NTN1: variants seen among roughly 807,000 people sequenced by gnomAD.
NTN1 encodes the protein netrin-1.
In NTN1, 11 loss-of-function variants were observed where a neutral mutation model predicts 54.2. The ratio of observed to expected loss-of-function variants is 0.20; its 90% CI spans 0.13 to 0.34. The LOEUF is 0.34. NTN1 is among the 10% of genes least tolerant of loss of function. The pLI, the probability that NTN1 is intolerant of heterozygous loss-of-function variation, is 1.00. For missense variants in NTN1, 740 were observed against 893.1 expected (o/e 0.83, Z 2.18); for synonymous variants, 371 against 382.0 (o/e 0.97, Z 0.33).
chr17:9,033,917 CAAAAAA>C (rs58699789), intron 2 of NTN1, among the ~76,000 whole-genome samples: 7 of 106,450 alleles, frequency 6.6e-5, no homozygotes, highest in Admixed American at 1.1e-4. Flanking sequence ...AACTCTGTCT[CAAAAAA>C]AAAAAAAAAA....
chr17:9,222,882 TTG>T (rs57722510), intron 6 of NTN1, among the ~76,000 whole-genome samples: 1,951 of 151,782 alleles, frequency 0.013, 49 homozygotes, highest in African/African-American at 0.045. Flanking sequence ...TTCTCGTTTA[TTG>T]TGTGTGTGTG....
chr17:9,096,634 G>C (rs552555687), intron 2 of NTN1, among the ~76,000 whole-genome samples: 2 of 152,048 alleles, frequency 1.3e-5, no homozygotes, highest in South Asian at 4.2e-4. Context: ...ACTTCCCAAA[G>C]TGCTGGGATT....
chr17:9,089,345 G>A (rs1484056749), intron 2 of NTN1, among the ~76,000 whole-genome samples: 2 of 151,908 alleles, frequency 1.3e-5, no homozygotes, highest in African/African-American at 4.8e-5. Flanking sequence ...AACCCGGGAG[G>A]CGGAGGTTGC....
At chr17:9,194,566 C>T (rs1364535608) in intron 5 of NTN1, among the ~76,000 whole-genome samples, 1 of 152,236 alleles carries the variant, frequency 6.6e-6, no homozygotes, top group Non-Finnish European at 1.5e-5. Context: ...GAGGTGGCAG[C>T]TGCCCTGTGC....
rs897912377 is a variant in NTN1 at position 9,135,118 on chromosome 17, C to G, written c.1019-27695C>G. Among the ~76,000 whole-genome samples, 1 of 152,104 alleles carries G rather than the reference C, an allele frequency of 6.6e-6. No individual in the cohort carries two copies. Among genetic ancestry groups the G allele is most frequent in the Non-Finnish European group, 1.5e-5 (1 of 68,012 alleles). On this transcript the variant is annotated intron_variant, in intron 2 of 6. Transcript: ENST00000173229. This position sits in a 1 kb window ranked among gnomAD's most constrained non-coding sequence, Gnocchi z 4.4. ...CCGAGGGCCCGGTAAGGCACATTGT[C>G]CCCCAGCCCCTGATGCTCCCGGCCC...
chr17:9,039,553 A>G (rs568755924), intron 2 of NTN1, among the ~76,000 whole-genome samples: 3 of 152,320 alleles, frequency 2.0e-5, no homozygotes, highest in East Asian at 1.9e-4. Flanking sequence ...TATAAAAAGT[A>G]TAACTTGGTA....
chr17:9,146,321 G>A (rs2092313183), intron 2 of NTN1, among the ~76,000 whole-genome samples: 1 of 152,196 alleles, frequency 6.6e-6, no homozygotes, highest in Non-Finnish European at 1.5e-5. Context: ...GAAGTGGCAG[G>A]TGTGAACTGC....
chr17:9,060,067 T>C (rs992637620), intron 2 of NTN1, among the ~76,000 whole-genome samples: 1 of 151,734 alleles, frequency 6.6e-6, no homozygotes, highest in Non-Finnish European at 1.5e-5. Flanking sequence ...ATCATTAGAG[T>C]AGGATACATA....
intron 2 of NTN1, among the ~76,000 whole-genome samples, chr17:9,140,767 A>T (rs922219673): frequency 1.3e-5 from 2 of 152,192 alleles, no homozygotes; most frequent in African/African-American, 4.8e-5. Flanking sequence ...CACAGGAGGG[A>T]AAAGGTCGTC....
intron 2 of NTN1, among the ~76,000 whole-genome samples, chr17:9,139,810 C>T (rs1422322328): frequency 1.3e-5 from 2 of 152,178 alleles, no homozygotes; most frequent in East Asian, 3.9e-4. Context: ...TATCCATCTA[C>T]ACCTATCCAT....
chr17:9,089,413 TA>T (rs71135940), intron 2 of NTN1, among the ~76,000 whole-genome samples: 43,613 of 147,702 alleles, frequency 0.3, 8,158 homozygotes, highest in African/African-American at 0.54. Context: ...AGATTCCATC[TA>T]AAAAAAAAAA....
chr17:9,019,090 G>A (rs2091838006), upstream of NTN1, among the ~76,000 whole-genome samples: 1 of 152,148 alleles, frequency 6.6e-6, no homozygotes. Flanking sequence ...ACAAATTTGT[G>A]GCCCACTCAG....
chr17:9,007,613 CTCCT>C, the NTN1 span, among the ~76,000 whole-genome samples: 7,210 of 123,150 alleles, frequency 0.059, 221 homozygotes, highest in South Asian at 0.11. Flanking sequence ...TTCCTTCCTT[CTCCT>C]TCCTTCCTTC....
At chr17:9,230,541 A>G (rs914135731) in intron 6 of NTN1, among the ~76,000 whole-genome samples, 2 of 151,396 alleles carry the variant, frequency 1.3e-5, no homozygotes, top group African/African-American at 2.4e-5. Context: ...GGTGACCACC[A>G]GGTTGGCCAG....
At chr17:9,121,032 A>C (rs1037187872) in intron 2 of NTN1, among the ~76,000 whole-genome samples, 2 of 152,156 alleles carry the variant, frequency 1.3e-5, no homozygotes, top group African/African-American at 4.8e-5. Flanking sequence ...ACATTATCCC[A>C]AGTGGTGGGA....
chr17:9,022,508 C>A lies in NTN1; in HGVS notation c.135C>A (p.Asn45Lys). The change falls in exon 2 of 7, where the codon AAC becomes AAA. Residue 45 changes from asparagine to lysine, a missense_variant. Asn to Lys is a moderately conservative substitution (Grantham distance 94). Transcript: ENST00000173229. ...AAQPDPCSDE[N>K]GHPRRCIPDF... ...AGCCCGATCCCTGCTCGGACGAGAACGGCCACCCGCGCCGCTGCATCCCGG... is the reference window on the plus strand; with the variant it reads ...AGCCCGATCCCTGCTCGGACGAGAAAGGCCACCCGCGCCGCTGCATCCCGG... The A allele has an allele frequency of 6.5e-7, 1 of 1,545,878 alleles. No homozygotes were observed. Among genetic ancestry groups the A allele is most frequent in the Non-Finnish European group, 8.7e-7 (1 of 1,149,438 alleles).
At chr17:9,082,696 C>G (rs1356479746) in intron 2 of NTN1, among the ~76,000 whole-genome samples, 3 of 138,756 alleles carry the variant, frequency 2.2e-5, no homozygotes, top group African/African-American at 8.2e-5. Flanking sequence ...AGAGATTGGC[C>G]ATGAGAGTTT....
chr17:9,022,554 G>A lies in NTN1; in HGVS notation c.181G>A (p.Gly61Ser). 1 of 1,549,490 alleles carries A rather than the reference G, an allele frequency of 6.5e-7. No homozygotes were observed. Among genetic ancestry groups the A allele is most frequent in the Non-Finnish European group, 8.7e-7 (1 of 1,149,300 alleles). Residue 61 changes from glycine to serine, a missense_variant, in exon 2 of 7, where the codon GGC becomes AGC. Physicochemically the swap from Gly to Ser is moderately conservative, Grantham distance 56. Transcript: ENST00000173229. Reference sequence around the variant, plus strand: ...CCCGGACTTTGTCAATGCGGCCTTCGGCAAGGACGTGCGCGTGTCCAGCAC... The same window carrying A: ...CCCGGACTTTGTCAATGCGGCCTTCAGCAAGGACGTGCGCGTGTCCAGCAC... ...CIPDFVNAAF[G>S]KDVRVSSTCG...
chr17:9,031,308 G>A (rs1404565759), intron 2 of NTN1, among the ~76,000 whole-genome samples: 1 of 152,162 alleles, frequency 6.6e-6, no homozygotes, highest in Non-Finnish European at 1.5e-5. Context: ...GATTGCCATT[G>A]TCAGGGCTTC....
Sources: gnomAD v4.1 joint callset for allele counts (sites outside exome capture counted in the v4.1 genomes callset) on GRCh38, gnomAD v4.1.1 for gene constraint, Gnocchi (gnomAD v3.1) non-coding constraint, MANE v1.5 for transcripts, NCBI Gene and HGNC (gene_info 2026-07-23, HGNC 2026-07-21) for gene names.